Variants in COG5 observed in about 807,000 individuals in gnomAD.
COG5 encodes the protein component of oligomeric golgi complex 5.
A neutral mutation model predicts 110.4 loss-of-function variants in COG5; 86 were observed. The observed-to-expected ratio is 0.78, with a 90% CI of 0.65 to 0.93. COG5 has a LOEUF of 0.93. Ranked by LOEUF, COG5 falls within the 40% of genes least tolerant of loss-of-function variation. The pLI, the probability that COG5 is intolerant of heterozygous loss-of-function variation, is 0.00. For missense variants in COG5, 1,077 were observed against 987.0 expected (o/e 1.09, Z -1.22); for synonymous variants, 360 against 334.6 (o/e 1.08, Z -0.83).
intron 5 of COG5, among the ~76,000 whole-genome samples, chr7:107,537,531 CTGAACAA>C (rs1014004335): frequency 6.6e-6 from 1 of 151,894 alleles, no homozygotes; most frequent in African/African-American, 2.4e-5. Flanking sequence ...TCAGTGGGAG[CTGAACAA>C]TGAATACATG....
intron 7 of COG5, among the ~76,000 whole-genome samples, chr7:107,408,130 G>C (rs182561509): frequency 6.6e-6 from 1 of 152,188 alleles, no homozygotes; most frequent in Non-Finnish European, 1.5e-5. Context: ...AACTATGCTC[G>C]TGGGACAAAT....
intron 10 of COG5, among the ~76,000 whole-genome samples, chr7:107,329,157 C>G (rs934198393): frequency 6.6e-6 from 1 of 152,132 alleles, no homozygotes; most frequent in African/African-American, 2.4e-5. Flanking sequence ...TTTTGTTTCT[C>G]TGAAGAACCC....
chr7:107,509,655 C>G (rs1440623725), intron 6 of COG5, among the ~76,000 whole-genome samples: 2 of 152,148 alleles, frequency 1.3e-5, no homozygotes, highest in East Asian at 3.9e-4. Flanking sequence ...AGAGAAAGGT[C>G]GGGTTACCCA....
intron 6 of COG5, among the ~76,000 whole-genome samples, chr7:107,451,977 T>A (rs1026218817): frequency 6.6e-6 from 1 of 152,148 alleles, no homozygotes; most frequent in Non-Finnish European, 1.5e-5. Flanking sequence ...ATTAATTATG[T>A]ACATATGATT....
intron 6 of COG5, chr7:107,471,305 G>C (rs928674714): frequency 6.6e-6 from 1 of 151,996 alleles, no homozygotes; most frequent in Non-Finnish European, 1.5e-5. Flanking sequence ...CAAAACTAAA[G>C]TAACTTGCAA....
intron 17 of COG5, among the ~76,000 whole-genome samples, chr7:107,237,755 C>G (rs17428071): frequency 0.16 from 24,641 of 152,102 alleles, 2,370 homozygotes; most frequent in Non-Finnish European, 0.22. Flanking sequence ...GTGTATGGTG[C>G]AACATTTTTG....
chr7:107,541,083 G>A (rs530880352), intron 5 of COG5, among the ~76,000 whole-genome samples: 9 of 151,886 alleles, frequency 5.9e-5, no homozygotes, highest in East Asian at 1.9e-4. Flanking sequence ...CCCAGGAGGC[G>A]GAGGTTGCAG....
intron 6 of COG5, among the ~76,000 whole-genome samples, chr7:107,413,676 G>T (rs138483103): frequency 9.1e-4 from 138 of 152,210 alleles, no homozygotes; most frequent in African/African-American, 3.3e-3. Context: ...AGCGTTACAA[G>T]TCTTTATATA....
chr7:107,211,923 C>T (rs1407256992), intron 19 of COG5, among the ~76,000 whole-genome samples: 1 of 152,144 alleles, frequency 6.6e-6, no homozygotes. Flanking sequence ...TGATTAGAAG[C>T]GGAGCTGTGG....
At chr7:107,317,398 G>A (rs189694803) in intron 11 of COG5, among the ~76,000 whole-genome samples, 1 of 152,130 alleles carries the variant, frequency 6.6e-6, no homozygotes, top group Non-Finnish European at 1.5e-5. Flanking sequence ...GCAAAGCACT[G>A]ATCAGCATTA....
In COG5 at chr7:107,281,341, C is replaced by A; in HGVS notation, c.1534G>T (p.Ala512Ser). 1 of 1,613,430 alleles carries A rather than the reference C, an allele frequency of 6.2e-7. No individual in the cohort carries two copies. The highest frequency in any genetic ancestry group is 2.2e-5 in the East Asian group (1 of 44,770). ...NLTLAVSKNV[A>S]KTIQLYSVKS... Reference sequence around the variant, plus strand: ...ACACTGTATAACTGGATGGTCTTTGCCACATTTTTTGACACAGCTAATGTG... The same window carrying A: ...ACACTGTATAACTGGATGGTCTTTGACACATTTTTTGACACAGCTAATGTG... The change falls in exon 14 of 22, where the codon GCA becomes TCA. Residue 512 changes from alanine to serine, a missense_variant. Physicochemically the swap from Ala to Ser is moderately conservative, Grantham distance 99. Transcript: ENST00000297135.
chr7:107,533,343 T>C (rs985942050), intron 5 of COG5, among the ~76,000 whole-genome samples: 4 of 151,446 alleles, frequency 2.6e-5, no homozygotes, highest in African/African-American at 9.8e-5. Flanking sequence ...GAAGGAGACT[T>C]CAGAAGGCGG....
rs576149314 is a variant in COG5, at chr7:107,283,949, T to C, written c.1314-217A>G. ...TAGTAACCTTTTTTTTTTTGAGACG[T>C]AGTCTCACTCTGTTGTCCTGGCTGG... On this transcript the variant is annotated intron_variant, in intron 12 of 21. Transcript: ENST00000297135. Among the ~76,000 whole-genome samples the C allele has an allele frequency of 5.3e-5, 8 of 152,116 alleles. No homozygotes were observed. In the South Asian group the frequency reaches 1.0e-3, roughly 20 times the overall value.
At chr7:107,227,342 A>C (rs1181591956) in intron 19 of COG5, among the ~76,000 whole-genome samples, 2 of 152,180 alleles carry the variant, frequency 1.3e-5, no homozygotes, top group Non-Finnish European at 2.9e-5. Context: ...ATATCAATAG[A>C]AAGTATCTTT....
At chr7:107,295,036 T>TACACAC (rs1193241031) in intron 12 of COG5, among the ~76,000 whole-genome samples, 13 of 60,562 alleles carry the variant, frequency 2.1e-4, no homozygotes, top group Non-Finnish European at 3.2e-4. Context: ...TACACACACA[T>TACACAC]ATACACACAC....
intron 10 of COG5, among the ~76,000 whole-genome samples, chr7:107,357,585 G>A (rs1430992684): frequency 6.6e-6 from 1 of 152,062 alleles, no homozygotes; most frequent in Non-Finnish European, 1.5e-5. Context: ...CATGAAATAG[G>A]TGAATAAAAA....
chr7:107,478,749 G>T (rs1470171833), intron 6 of COG5, among the ~76,000 whole-genome samples: 1 of 151,796 alleles, frequency 6.6e-6, no homozygotes, highest in Non-Finnish European at 1.5e-5. Context: ...AAGATAAGGG[G>T]GGAACAAATG....
chr7:107,260,093 T>TATAGATATATATATATA (rs1803211007), intron 14 of COG5, among the ~76,000 whole-genome samples: 1 of 149,058 alleles, frequency 6.7e-6, no homozygotes, highest in African/African-American at 2.4e-5. Flanking sequence ...TATATATATA[T>TATAGATATATATATATA]GAAATAAAAA....
Position 107,244,680 on chromosome 7 carries a change from CA to C in COG5, c.1853+3715del, listed in dbSNP as rs374335462. Among the ~76,000 whole-genome samples the C allele has an allele frequency of 2.0e-5, 3 of 151,970 alleles. No homozygotes were observed. In the East Asian group the frequency reaches 5.8e-4, roughly 29 times the overall value. ...AAAAAAAATCAGAAACCTCTAAACC[CA>C]AAAAGTAGAAAACCTAGAAGAGATG... On this transcript the variant is annotated intron_variant, in intron 17 of 21. Coordinates refer to ENST00000297135, the MANE Select transcript of COG5 (RefSeq NM_006348.5).
Sources: allele counts gnomAD v4.1 joint callset (sites outside exome capture counted in the v4.1 genomes callset), GRCh38; gene constraint gnomAD v4.1.1; transcripts MANE v1.5; gene names NCBI Gene and HGNC (gene_info 2026-07-23, HGNC 2026-07-21).